The following NBEA variants were observed in gnomAD, a reference collection of about 807,000 sequenced individuals.
NBEA encodes lysosomal-trafficking regulator 2.
NBEA carries 44 observed loss-of-function variants against 343.4 expected under a neutral mutation model. The ratio of observed to expected loss-of-function variants is 0.13; its 90% CI spans 0.10 to 0.16. NBEA has a LOEUF of 0.16. NBEA is among the 10% of genes least tolerant of loss of function. The pLI, the probability that NBEA is intolerant of heterozygous loss-of-function variation, is 1.00. For synonymous variants in NBEA, 1,175 were observed against 1,238.7 expected (o/e 0.95, Z 1.08); for missense variants, 2,555 against 3,631.3 (o/e 0.70, Z 7.62).
At chr13:35,533,188 T>G (rs1399786836) in intron 41 of NBEA, among the ~76,000 whole-genome samples, 1 of 152,140 alleles carries the variant, frequency 6.6e-6, no homozygotes, top group Non-Finnish European at 1.5e-5. Flanking sequence ...TCTGATAGAT[T>G]AAAAATATAG....
intron 6 of NBEA, among the ~76,000 whole-genome samples, chr13:35,053,259 C>G (rs1195636574): frequency 6.6e-6 from 1 of 152,114 alleles, no homozygotes; most frequent in African/African-American, 2.4e-5. Context: ...TGTTTACAAT[C>G]TGGTCTTTGC....
chr13:35,412,905 T>A (rs1174741069), intron 38 of NBEA, among the ~76,000 whole-genome samples: 2 of 152,174 alleles, frequency 1.3e-5, no homozygotes, highest in Non-Finnish European at 2.9e-5. Flanking sequence ...CTTCCATTTC[T>A]TCATCTGTAC....
At chr13:35,650,471 G>C (rs1443721593) in intron 52 of NBEA, among the ~76,000 whole-genome samples, 3 of 152,146 alleles carry the variant, frequency 2.0e-5, no homozygotes, top group African/African-American at 7.2e-5. Context: ...TAACGTTGTG[G>C]CAAACATTTA....
chr13:35,656,136 G>A (rs1369164726), intron 55 of NBEA, among the ~76,000 whole-genome samples: 1 of 152,162 alleles, frequency 6.6e-6, no homozygotes, highest in East Asian at 1.9e-4. Flanking sequence ...GTCTCATTCA[G>A]GGCACTAACT....
rs895864486 is a variant in NBEA at position 35,565,567 on chromosome 13, T to G, written c.6923-1338T>G. Among the ~76,000 whole-genome samples, 9 of 152,342 alleles carry G rather than the reference T, an allele frequency of 5.9e-5. No homozygotes were observed. In the East Asian group the frequency reaches 1.7e-3, roughly 29 times the overall value. ...CTAAATACCAGTGAAATAGCTGTTT[T>G]GTGTGAATTTTAATGGAAATTTAGA... On this transcript the variant is annotated intron_variant, in intron 44 of 58. Transcript: ENST00000379939.
At chr13:34,991,485 A>G (rs1328224992) in intron 1 of NBEA, among the ~76,000 whole-genome samples, 2 of 152,070 alleles carry the variant, frequency 1.3e-5, no homozygotes, top group Non-Finnish European at 2.9e-5. Context: ...ATTTTAAACA[A>G]CCACATCTTG....
chr13:35,366,315 C>A (rs973396283), intron 38 of NBEA, among the ~76,000 whole-genome samples: 2 of 151,262 alleles, frequency 1.3e-5, no homozygotes, highest in African/African-American at 4.8e-5. Flanking sequence ...ATTATACCAA[C>A]CCCTTTTTCT....
chr13:35,175,012 A>C (rs2070767246), intron 27 of NBEA, among the ~76,000 whole-genome samples: 1 of 151,948 alleles, frequency 6.6e-6, no homozygotes, highest in Admixed American at 6.6e-5. Flanking sequence ...AGGATGGTCT[A>C]GATCTCTTGA....
intron 10 of NBEA, among the ~76,000 whole-genome samples, chr13:35,092,464 T>C (rs2065136678): frequency 1.3e-5 from 2 of 152,018 alleles, no homozygotes; most frequent in South Asian, 4.1e-4. Context: ...AGCAAATTGC[T>C]TATTTGACAA....
chr13:35,099,390 G>C (rs1335186722), intron 11 of NBEA, among the ~76,000 whole-genome samples: 1 of 151,980 alleles, frequency 6.6e-6, no homozygotes, highest in Non-Finnish European at 1.5e-5. Context: ...AGTAGAGACA[G>C]GGTTTCACCG....
At chr13:35,385,175 G>A (rs796535325) in intron 38 of NBEA, among the ~76,000 whole-genome samples, 59 of 152,104 alleles carry the variant, frequency 3.9e-4, no homozygotes, top group African/African-American at 1.4e-3. Context: ...TTAGACTTCA[G>A]TAAGTTAAGG....
At chr13:35,614,715 ACTT>A (rs1186754286) in intron 48 of NBEA, among the ~76,000 whole-genome samples, 4 of 152,166 alleles carry the variant, frequency 2.6e-5, no homozygotes, top group South Asian at 2.1e-4. Context: ...CCAGGTTAAC[ACTT>A]CTTCTTACAT....
At chr13:35,104,864 T>C (rs371618520) in intron 11 of NBEA, among the ~76,000 whole-genome samples, 3 of 152,140 alleles carry the variant, frequency 2.0e-5, no homozygotes, top group East Asian at 3.9e-4. Flanking sequence ...TGATTGTGGT[T>C]AGTAGAAAAT....
At chr13:35,030,738 G>A (rs2062180581) in intron 1 of NBEA, among the ~76,000 whole-genome samples, 1 of 151,568 alleles carries the variant, frequency 6.6e-6, no homozygotes, top group African/African-American at 2.4e-5. Flanking sequence ...TAACAATAAA[G>A]GTTATAAAAC....
chr13:35,355,710 C>T (rs1036721338), intron 38 of NBEA, among the ~76,000 whole-genome samples: 1 of 152,038 alleles, frequency 6.6e-6, no homozygotes, highest in Admixed American at 6.6e-5. Flanking sequence ...GTTCTAGTCA[C>T]CCTGGCTTCT....
intron 27 of NBEA, among the ~76,000 whole-genome samples, chr13:35,174,773 T>C (rs139655613): frequency 1.2e-4 from 18 of 152,148 alleles, no homozygotes; most frequent in Middle Eastern, 3.4e-3. Context: ...CTATGTGTTA[T>C]AGATCTTTGT....
intron 1 of NBEA, among the ~76,000 whole-genome samples, chr13:34,979,285 C>G (rs2060278495): frequency 6.6e-6 from 1 of 152,046 alleles, no homozygotes; most frequent in African/African-American, 2.4e-5. Context: ...TTCGGGAGGC[C>G]AAGGCAGGCA....
chr13:35,137,799 A>G (rs2067827858), intron 17 of NBEA, among the ~76,000 whole-genome samples: 1 of 152,166 alleles, frequency 6.6e-6, no homozygotes, highest in African/African-American at 2.4e-5. Context: ...CAATTAAATA[A>G]TTATGAAAAA....
intron 1 of NBEA, among the ~76,000 whole-genome samples, chr13:34,995,201 C>T (rs1378067810): frequency 1.3e-5 from 2 of 152,000 alleles, no homozygotes; most frequent in Non-Finnish European, 2.9e-5. Context: ...GCCTGTAATC[C>T]CAGCACTTTG....
Sources: gnomAD v4.1 joint callset for allele counts (sites outside exome capture counted in the v4.1 genomes callset) on GRCh38, gnomAD v4.1.1 for gene constraint, MANE v1.5 for transcripts, NCBI Gene and HGNC (gene_info 2026-07-23, HGNC 2026-07-21) for gene names.